Variants in SCG5 observed in about 807,000 individuals in gnomAD.
SCG5 encodes the protein secretogranin V.
SCG5 carries 18 observed loss-of-function variants against 25.7 expected under a neutral mutation model. The ratio of observed to expected loss-of-function variants is 0.70; its 90% CI spans 0.48 to 1.04. The LOEUF (loss-of-function observed/expected upper bound fraction) is 1.04. Ranked by LOEUF, SCG5 falls within the 50% of genes least tolerant of loss-of-function variation. The pLI, the probability that SCG5 is intolerant of heterozygous loss-of-function variation, is 0.00. For missense variants in SCG5, 206 were observed against 259.8 expected (o/e 0.79, Z 1.42); for synonymous variants, 101 against 91.7 (o/e 1.10, Z -0.58).
At chr15:32,691,668 C>T in intron 4 of SCG5, 42 bp from the exon 5 acceptor site, 1 of 1,491,688 alleles carries the variant, frequency 6.7e-7, no homozygotes, top group Non-Finnish European at 9.2e-7. Flanking sequence ...CAAATTTGAT[C>T]CATACTTCTG....
chr15:32,651,869 T>C (rs1029400614), intron 2 of SCG5, among the ~76,000 whole-genome samples: 4 of 152,124 alleles, frequency 2.6e-5, no homozygotes, highest in African/African-American at 9.7e-5. Context: ...AGAAGGCACT[T>C]AGATGTATAT....
intron 3 of SCG5, 71 bp downstream of exon 3, chr15:32,679,986 G>A: frequency 3.0e-6 from 4 of 1,346,172 alleles, no homozygotes; most frequent in Non-Finnish European, 4.1e-6. Context: ...TCTAACATCA[G>A]CTACAAATAT....
intron 2 of SCG5, chr15:32,672,935 AG>A (rs2054461787): frequency 1.1e-5 from 1 of 93,158 alleles, no homozygotes; most frequent in Admixed American, 1.1e-4. Flanking sequence ...AAAAAAAAAG[AG>A]ACAGAGTGAC....
At chr15:32,677,622 A>C (rs973022388) in intron 2 of SCG5, 1 of 138,142 alleles carries the variant, frequency 7.2e-6, no homozygotes, top group Non-Finnish European at 1.5e-5. Context: ...GGTTTTGCTC[A>C]AATGTCATGC....
intron 2 of SCG5, among the ~76,000 whole-genome samples, chr15:32,652,854 G>C (rs779610583): frequency 5.5e-4 from 84 of 152,174 alleles, no homozygotes; most frequent in African/African-American, 1.2e-3. Context: ...TTATTTACTA[G>C]TTATAGTATA....
chr15:32,684,647 A>G lies in SCG5; in HGVS notation c.467A>G (p.Asp156Gly). ...LHQHLFDPEH[D>G]YPGLGKWNKK... ...CAGCATCTCTTTGATCCGGAACATG[A>G]CTATCCAGGCTTGGGCAAGTGGGTA... Residue 156 changes from aspartate (D) to glycine (G), a missense_variant, in exon 4 of 6, where the codon GAC becomes GGC. Asp to Gly is a moderately conservative substitution (Grantham distance 94). Transcript: ENST00000300175. 1 of 1,613,384 alleles carries G rather than the reference A, an allele frequency of 6.2e-7. No homozygotes were observed. Among genetic ancestry groups the G allele is most frequent in the Non-Finnish European group, 8.5e-7 (1 of 1,179,478 alleles).
At chr15:32,666,182 C>G (rs1439122795) in intron 2 of SCG5, among the ~76,000 whole-genome samples, 2 of 152,178 alleles carry the variant, frequency 1.3e-5, no homozygotes, top group African/African-American at 4.8e-5. Context: ...AAATACTGAA[C>G]ATGGCTGCCT....
At chr15:32,655,824 C>A (rs906337324) in intron 2 of SCG5, among the ~76,000 whole-genome samples, 1 of 152,206 alleles carries the variant, frequency 6.6e-6, no homozygotes, top group African/African-American at 2.4e-5. Flanking sequence ...GCACTTTAAT[C>A]TTGGACTTCC....
intron 5 of SCG5, among the ~76,000 whole-genome samples, 186 bp from the exon 6 acceptor site, chr15:32,696,328 A>G (rs980528765): frequency 3.9e-5 from 6 of 152,148 alleles, no homozygotes; most frequent in Non-Finnish European, 8.8e-5. Flanking sequence ...CGTGTTAGCC[A>G]GGATGGTCTC....
At chr15:32,654,998 T>C (rs947624609) in intron 2 of SCG5, among the ~76,000 whole-genome samples, 1 of 152,180 alleles carries the variant, frequency 6.6e-6, no homozygotes, top group African/African-American at 2.4e-5. Flanking sequence ...TGCAATTTCC[T>C]GGAAAGTGCT....
intron 2 of SCG5, among the ~76,000 whole-genome samples, chr15:32,657,105 A>T (rs1240423006): frequency 1.4e-5 from 2 of 147,892 alleles, no homozygotes; most frequent in Non-Finnish European, 3.0e-5. Flanking sequence ...AGTCAAATTA[A>T]ATAATATATA....
intron 2 of SCG5, among the ~76,000 whole-genome samples, chr15:32,678,100 G>A (rs1472301326): frequency 6.6e-6 from 1 of 152,154 alleles, no homozygotes; most frequent in African/African-American, 2.4e-5. Flanking sequence ...CTTACAAATA[G>A]AAAATTAAAA....
chr15:32,669,452 A>G (rs543920787), intron 2 of SCG5, among the ~76,000 whole-genome samples: 1 of 152,332 alleles, frequency 6.6e-6, no homozygotes, highest in South Asian at 2.1e-4. Flanking sequence ...TTTCAATAAT[A>G]ACTGATACCT....
rs1028593917 is a variant in SCG5 at position 32,662,838 on chromosome 15, G to T, written c.227-16928G>T. 1.9e-4 allele frequency among the ~76,000 whole-genome samples: 28 copies of T among 151,154 alleles called. 1 individual carries two copies. The East Asian group carries it at 5.2e-3, about 28-fold the overall frequency. ...TGCCATCTGCCCGGGACGATTTGAT[G>T]TCTCTGGTGCAGGAGAGCGGAGAGC... On this transcript the variant is annotated intron_variant, in intron 2 of 5. Coordinates refer to ENST00000300175, the MANE Select transcript of SCG5 (RefSeq NM_001144757.3).
chr15:32,672,303 A>T (rs1025210594), intron 2 of SCG5, among the ~76,000 whole-genome samples: 2 of 152,250 alleles, frequency 1.3e-5, no homozygotes, highest in Non-Finnish European at 2.9e-5. Flanking sequence ...GCCCAGCGCC[A>T]GTGCCCAATT....
intron 2 of SCG5, among the ~76,000 whole-genome samples, chr15:32,678,084 A>G (rs539241301): frequency 6.6e-6 from 1 of 152,248 alleles, no homozygotes; most frequent in African/African-American, 2.4e-5. Flanking sequence ...TGGATTAAAG[A>G]GTTAACTTAC....
intron 2 of SCG5, among the ~76,000 whole-genome samples, chr15:32,667,415 G>T (rs530459954): frequency 2.2e-4 from 34 of 152,344 alleles, no homozygotes; most frequent in African/African-American, 7.9e-4. Flanking sequence ...GTGGGTAAGA[G>T]ACTTGCCATT....
chr15:32,669,993 C>T (rs1041581985), intron 2 of SCG5, among the ~76,000 whole-genome samples: 13 of 152,138 alleles, frequency 8.5e-5, no homozygotes, highest in African/African-American at 3.1e-4. Flanking sequence ...TAAATTGGGA[C>T]CACATGTAGA....
chr15:32,673,175 T>G (rs972152708), intron 2 of SCG5: 10 of 152,150 alleles, frequency 6.6e-5, no homozygotes, highest in African/African-American at 2.4e-4. Context: ...GATCCTTTCC[T>G]TGCAAAGTGT....
Sources: allele counts gnomAD v4.1 joint callset (sites outside exome capture counted in the v4.1 genomes callset), GRCh38; gene constraint gnomAD v4.1.1; transcripts MANE v1.5; gene names NCBI Gene and HGNC (gene_info 2026-07-23, HGNC 2026-07-21).